Variants in SFI1 observed in about 807,000 individuals in gnomAD.
SFI1 encodes the protein protein SFI1 homolog.
A neutral mutation model predicts 207.5 loss-of-function variants in SFI1; 195 were observed. That is an observed-to-expected ratio of 0.94 (90% confidence interval 0.84 to 1.06). The LOEUF is 1.06. SFI1 is among the 50% of genes least tolerant of loss of function. SFI1 has a pLI of 0.00. For synonymous variants in SFI1, 630 were observed against 598.9 expected (o/e 1.05, Z -0.76); for missense variants, 1,634 against 1,588.0 (o/e 1.03, Z -0.49).
At chr22:31,538,528 C>A (rs1364327791) in intron 4 of SFI1, 2 of 154,664 alleles carry the variant, frequency 1.3e-5, no homozygotes, top group East Asian at 1.9e-4. Flanking sequence ...CATCAAAGAT[C>A]CTCACTTCAG....
chr22:31,543,784 T>C lies in SFI1; in HGVS notation c.339-3077T>C, dbSNP rs2059817923. ...AAGATCGCGCCACTGCACTCCAGCC[T>C]GGGCGACAAAGCGAGACTCCATCTC... On this transcript the variant is annotated intron_variant, in intron 4 of 32. Coordinates refer to ENST00000400288, the MANE Select transcript of SFI1 (RefSeq NM_001007467.3). Among the ~76,000 whole-genome samples, 3 of 138,960 alleles carry C rather than the reference T, an allele frequency of 2.2e-5. No homozygotes were observed. In the Admixed American group the frequency reaches 2.4e-4, roughly 11 times the overall value. The allele number at this position is 138,960 out of a possible 152,430, so 91.2% of individuals were successfully genotyped here. A position where few individuals can be genotyped will look rare whatever the true frequency, so the allele number is the denominator to read the frequency against.
At chr22:31,594,641 G>A (rs929622141) in intron 15 of SFI1, among the ~76,000 whole-genome samples, 12 of 151,610 alleles carry the variant, frequency 7.9e-5, no homozygotes, top group South Asian at 2.1e-4. Context: ...GGATCACGAG[G>A]TCAGGAGATC....
chr22:31,508,250 T>G lies in SFI1; in HGVS notation c.-30-5T>G. The G allele has an allele frequency of 6.9e-7, 1 of 1,443,920 alleles. No individual in the cohort carries two copies. Among genetic ancestry groups the G allele is most frequent in the Non-Finnish European group, 9.7e-7 (1 of 1,025,724 alleles). The allele number at this position is 1,443,920 out of a possible 1,614,324, so 89.4% of individuals were successfully genotyped here. ...TCTCTCTTTTTTATTCTCTTTTTCT[T>G]GTAGTTAGAAGGGGAAGATAAAAGA... On this transcript the variant is annotated splice_polypyrimidine_tract_variant and splice_region_variant and intron_variant, in intron 1 of 32. Transcript: ENST00000400288.
At chr22:31,533,095 A>G (rs909482317) in intron 4 of SFI1, among the ~76,000 whole-genome samples, 1 of 152,218 alleles carries the variant, frequency 6.6e-6, no homozygotes, top group African/African-American at 2.4e-5. Flanking sequence ...GCTCCTTCAC[A>G]GGCCCAGTTG....
At position 31,580,251 on chromosome 22, in the gene SFI1, T is replaced by TTGTAAACAGTTGTAC. The variant is rs773408450; in HGVS notation, c.1156-18_1156-17insAAACAGTTGTACTGT. 10 of 1,593,646 alleles carry TTGTAAACAGTTGTAC rather than the reference T, an allele frequency of 6.3e-6. No individual in the cohort carries two copies. In the Admixed American group the frequency reaches 1.7e-4, roughly 27 times the overall value. ...TACTGATCCCAGTCCTTGTAATCAGTTGTGTCCTTTCTTTGCACAGTATTT... is the reference window on the plus strand; with the variant it reads ...TACTGATCCCAGTCCTTGTAATCAGTTGTAAACAGTTGTACTGTGTCCTTTCTTTGCACAGTATTT... On this transcript the variant is annotated intron_variant, in intron 11 of 32. Coordinates refer to ENST00000400288, the MANE Select transcript of SFI1 (RefSeq NM_001007467.3).
rs369135110 is a variant in SFI1 at position 31,606,333 on chromosome 22, C to T, written c.2060C>T (p.Ala687Val). The T allele has an allele frequency of 1.2e-5, 20 of 1,613,650 alleles. No homozygotes were observed. In the African/African-American group the frequency reaches 2.5e-4, roughly 20 times the overall value. Residue 687 changes from alanine to valine, a missense_variant, in exon 21 of 33, where the codon GCA becomes GTA. Physicochemically the swap from Ala to Val is moderately conservative, Grantham distance 64. Transcript: ENST00000400288. ...TCGCACCCATGCATCTGCAGCGGGG[C>T]ATTACGTCGCTGGAAAGAGAACACC... ...SQHNRQLLRG[A>V]LRRWKENTMA...
At chr22:31,587,315 GTTTTT>G (rs2065153357) in intron 14 of SFI1, 1 of 395,296 alleles carries the variant, frequency 2.5e-6, no homozygotes, top group African/African-American at 2.1e-5. Context: ...GTTTTGTTTT[GTTTTT>G]GAGACAGGTT....
At chr22:31,543,859 C>T (rs1057325533) in intron 4 of SFI1, among the ~76,000 whole-genome samples, 1 of 148,372 alleles carries the variant, frequency 6.7e-6, no homozygotes, top group Non-Finnish European at 1.5e-5. Flanking sequence ...GGAGGAGTGA[C>T]ATGTTAGTAA....
intron 6 of SFI1, among the ~76,000 whole-genome samples, chr22:31,555,944 T>G (rs1176486891): frequency 6.6e-6 from 1 of 152,174 alleles, no homozygotes; most frequent in Non-Finnish European, 1.5e-5. Context: ...TAAAAATGAT[T>G]TATATAATTT....
At chr22:31,597,222 A>G (rs1376067591) in intron 15 of SFI1, among the ~76,000 whole-genome samples, 3 of 152,220 alleles carry the variant, frequency 2.0e-5, no homozygotes, top group Admixed American at 2.0e-4. Context: ...GGAGCCTTTA[A>G]AGGATTTTTG....
intron 2 of SFI1, among the ~76,000 whole-genome samples, chr22:31,519,890 C>G (rs1405691980): frequency 2.0e-5 from 3 of 151,584 alleles, no homozygotes; most frequent in Non-Finnish European, 2.9e-5. Context: ...TTATTTTAAA[C>G]TTTTAATTAA....
At chr22:31,507,564 A>C (rs1218027330) in intron 1 of SFI1, among the ~76,000 whole-genome samples, 1 of 152,236 alleles carries the variant, frequency 6.6e-6, no homozygotes, top group Non-Finnish European at 1.5e-5. Flanking sequence ...CTATCATCAG[A>C]GTAAACAGAC....
intron 15 of SFI1, among the ~76,000 whole-genome samples, chr22:31,599,087 C>T (rs142374115): frequency 1.3e-3 from 193 of 150,326 alleles, no homozygotes; most frequent in African/African-American, 4.2e-3. Context: ...CCACCGCGCC[C>T]GGCCCAATTT....
chr22:31,580,480 A>C (rs2063991845), intron 12 of SFI1, 116 bp downstream of exon 12: 1 of 695,436 alleles, frequency 1.4e-6, no homozygotes, highest in Non-Finnish European at 2.4e-6. Context: ...TTGTGCTTCA[A>C]GATTTGTCCA....
intron 24 of SFI1, chr22:31,612,398 A>AAAAAAATATATATATATAT (rs1556369798): frequency 1.7e-5 from 1 of 60,194 alleles, no homozygotes; most frequent in Non-Finnish European, 3.0e-5. Flanking sequence ...AAAAAAAAAA[A>AAAAAAATATATATATATAT]ATATATATAT....
At chr22:31,608,931 A>G (rs1040212007) in intron 22 of SFI1, among the ~76,000 whole-genome samples, 4 of 152,010 alleles carry the variant, frequency 2.6e-5, no homozygotes, top group African/African-American at 9.7e-5. Context: ...ACTTGAGCCC[A>G]AGAGCTGGAG....
chr22:31,590,963 ATTTATTTATT>A (rs2065788788), intron 15 of SFI1, among the ~76,000 whole-genome samples: 2 of 14,446 alleles, frequency 1.4e-4, no homozygotes, highest in Non-Finnish European at 2.2e-4. Context: ...TTATTTATTT[ATTTATTTATT>A]TATTTATTTT....
chr22:31,530,537 C>A, intron 3 of SFI1: 1 of 408,174 alleles, frequency 2.4e-6, no homozygotes, highest in Non-Finnish European at 5.0e-6. Flanking sequence ...TGTGTGTATA[C>A]CAGACACTGT....
intron 22 of SFI1, among the ~76,000 whole-genome samples, chr22:31,609,178 T>C (rs1479090922): frequency 6.6e-6 from 1 of 152,092 alleles, no homozygotes; most frequent in East Asian, 2.0e-4. Context: ...TTTTGTATTC[T>C]TAGTAGAGAC....
Sources: allele counts gnomAD v4.1 joint callset (sites outside exome capture counted in the v4.1 genomes callset), GRCh38; gene constraint gnomAD v4.1.1; transcripts MANE v1.5; gene names NCBI Gene and HGNC (gene_info 2026-07-23, HGNC 2026-07-21).